Variants in BPTF observed in about 807,000 individuals in gnomAD.
The protein encoded by BPTF is bromodomain PHD finger transcription factor.
BPTF carries 18 observed loss-of-function variants against 292.5 expected under a neutral mutation model. The ratio of observed to expected loss-of-function variants is 0.06; its 90% CI spans 0.04 to 0.09. The LOEUF is 0.09. Among genes scored for constraint, BPTF ranks in the 10% least tolerant of loss-of-function variants. BPTF has a pLI of 1.00. For synonymous variants in BPTF, 1,225 were observed against 1,251.9 expected, an observed-to-expected ratio of 0.98 and a Z score of 0.45; for missense variants, 2,726 against 3,498.7, an observed-to-expected ratio of 0.78 and a Z score of 5.57.
chr17:67,845,302 T>G, intron 1 of BPTF, among the ~76,000 whole-genome samples: 1 of 152,222 alleles, frequency 6.6e-6, no homozygotes, highest in Non-Finnish European at 1.5e-5. Context: ...CCCAGTAGTT[T>G]TAGGATCTGT....
chr17:67,910,706 A>G (rs2062594210), intron 10 of BPTF, among the ~76,000 whole-genome samples, 171 bp from the exon 11 acceptor site: 2 of 152,128 alleles, frequency 1.3e-5, no homozygotes, highest in South Asian at 2.1e-4. Context: ...AGGCTGAAGC[A>G]TGAGAATTGC....
intron 15 of BPTF, among the ~76,000 whole-genome samples, chr17:67,926,927 C>A (rs915141115): frequency 6.0e-5 from 9 of 150,378 alleles, no homozygotes; most frequent in Non-Finnish European, 1.3e-4. Flanking sequence ...TTTTTTCTTT[C>A]TTTTTTTAAC....
intron 24 of BPTF, 183 bp downstream of exon 24, chr17:67,960,058 A>G (rs782770324): frequency 1.2e-4 from 63 of 522,242 alleles, no homozygotes; most frequent in Non-Finnish European, 1.9e-4. Context: ...AAAATTTGCT[A>G]TTTCACGTGT....
chr17:67,950,061 A>AC lies in BPTF; in HGVS notation c.7926+1755_7926+1756insC, dbSNP rs1271168306. Reference sequence around the variant, plus strand: ...AGAATGAGACTGTCTCAAAAAAAAAAAAAAAAAAAAACATTTCATAACATA... The same window carrying AC: ...AGAATGAGACTGTCTCAAAAAAAAAACAAAAAAAAAAACATTTCATAACATA... On this transcript the variant is annotated intron_variant, in intron 23 of 27. Transcript: ENST00000306378. Among the ~76,000 whole-genome samples, 13 of 150,790 alleles carry AC rather than the reference A, an allele frequency of 8.6e-5. No individual in the cohort carries two copies. The East Asian group carries it at 2.0e-3, about 23-fold the overall frequency.
At chr17:67,917,134 T>TCC (rs1457537449) in intron 11 of BPTF, among the ~76,000 whole-genome samples, 3 of 136,172 alleles carry the variant, frequency 2.2e-5, no homozygotes, top group African/African-American at 9.1e-5. Flanking sequence ...TATTGTCCTT[T>TCC]TTTTTTTTTT....
chr17:67,827,069 A>AT (rs1486677561), intron 1 of BPTF, among the ~76,000 whole-genome samples: 1 of 152,252 alleles, frequency 6.6e-6, no homozygotes, highest in Non-Finnish European at 1.5e-5. Context: ...ATTCAGAATT[A>AT]TTTTGGTTAA....
chr17:67,871,453 A>AAAG (rs987124262), intron 3 of BPTF, among the ~76,000 whole-genome samples: 2 of 151,728 alleles, frequency 1.3e-5, no homozygotes, highest in African/African-American at 4.8e-5. Context: ...AAAAAAAAAA[A>AAAG]AAAAAAAAAT....
At chr17:67,849,740 C>G (rs8081964) in intron 1 of BPTF, among the ~76,000 whole-genome samples, 7 of 151,722 alleles carry the variant, frequency 4.6e-5, no homozygotes, top group African/African-American at 1.5e-4. Flanking sequence ...GGGTTTGAGA[C>G]CAGCCTGGCC....
Position 67,948,159 on chromosome 17 carries a change from G to A in BPTF, c.7779G>A (p.Arg2593=). 1 of 1,614,184 alleles carries A rather than the reference G, an allele frequency of 6.2e-7. No homozygotes were observed. The highest frequency in any genetic ancestry group is 8.5e-7 in the Non-Finnish European group (1 of 1,180,042). Residue 2593 remains arginine, a synonymous_variant, in exon 23 of 28, where the codon CGG becomes CGA. Transcript: ENST00000306378. ...DKEEKQAAKK[R]KREESVEQKR... is the part of the protein sequence containing the mutation. The stretch of plus-strand genomic sequence containing the variant: ...AAGAAAAACAGGCAGCAAAAAAACG[G>A]AAGCGTGAAGAGAGTGTGGAGCAGA...
intron 26 of BPTF, among the ~76,000 whole-genome samples, chr17:67,969,215 G>A (rs2068480567): frequency 6.6e-6 from 1 of 151,174 alleles, no homozygotes; most frequent in African/African-American, 2.5e-5. Flanking sequence ...GGGAGGCTGA[G>A]GCAGGCAGAT....
At chr17:67,880,616 T>G (rs73352815) in intron 4 of BPTF, among the ~76,000 whole-genome samples, 2,655 of 152,152 alleles carry the variant, frequency 0.017, 89 homozygotes, top group African/African-American at 0.061. Context: ...TGTAGGTTTT[T>G]GTTTTTGGTT....
At chr17:67,950,664 C>T (rs966567116) in intron 23 of BPTF, among the ~76,000 whole-genome samples, 9 of 151,494 alleles carry the variant, frequency 5.9e-5, no homozygotes, top group African/African-American at 2.2e-4. Flanking sequence ...ATGGTGAAAC[C>T]CCATCTCTAC....
At chr17:67,903,755 A>G in intron 7 of BPTF, 34 bp from the exon 8 acceptor site, 2 of 1,494,682 alleles carry the variant, frequency 1.3e-6, no homozygotes, top group East Asian at 2.5e-5. Context: ...TATTTTTCCA[A>G]GTTAACATTG....
At chr17:67,953,110 G>A (rs2066541632) in intron 23 of BPTF, among the ~76,000 whole-genome samples, 1 of 149,938 alleles carries the variant, frequency 6.7e-6, no homozygotes, top group African/African-American at 2.5e-5. Context: ...TACAGGCGCA[G>A]GCTGCAACGC....
intron 23 of BPTF, among the ~76,000 whole-genome samples, chr17:67,949,534 C>T (rs908532169): frequency 2.6e-5 from 4 of 151,252 alleles, no homozygotes; most frequent in Admixed American, 2.6e-4. Flanking sequence ...GAGATCACAC[C>T]ACTACACTCT....
At chr17:67,898,044 C>T (rs1460112442) in intron 7 of BPTF, among the ~76,000 whole-genome samples, 1 of 152,160 alleles carries the variant, frequency 6.6e-6, no homozygotes, top group Admixed American at 6.5e-5. Context: ...ATCTCCAATA[C>T]TAGGAGATTA....
chr17:67,882,620 G>A (rs62084251), intron 4 of BPTF, among the ~76,000 whole-genome samples: 31,026 of 152,146 alleles, frequency 0.2, 3,978 homozygotes, highest in East Asian at 0.66. Flanking sequence ...CTACTGAATG[G>A]CATTTACGAC....
chr17:67,831,305 A>G (rs943187603), intron 1 of BPTF, among the ~76,000 whole-genome samples: 2 of 152,142 alleles, frequency 1.3e-5, no homozygotes, highest in Non-Finnish European at 2.9e-5. Context: ...GGGGAGGTCA[A>G]GATTATAAGG....
intron 4 of BPTF, among the ~76,000 whole-genome samples, chr17:67,882,676 A>T (rs2145972225): frequency 6.6e-6 from 1 of 152,316 alleles, no homozygotes; most frequent in South Asian, 2.1e-4. Context: ...TCTAGTAAGG[A>T]TGTACAGACA....
Sources: gnomAD v4.1 joint callset for allele counts (sites outside exome capture counted in the v4.1 genomes callset) on GRCh38, gnomAD v4.1.1 for gene constraint, MANE v1.5 for transcripts, NCBI Gene and HGNC (gene_info 2026-07-23, HGNC 2026-07-21) for gene names.